Variants in DLG5 observed in about 807,000 individuals in gnomAD.
DLG5 encodes the protein discs large MAGUK scaffold protein 5.
Under a neutral mutation model 189.8 loss-of-function variants are expected in DLG5, and 48 were observed. The observed-to-expected ratio is 0.25, with a 90% CI of 0.20 to 0.32. The LOEUF (loss-of-function observed/expected upper bound fraction) is 0.32. DLG5 is among the 10% of genes least tolerant of loss of function. DLG5 has a pLI of 1.00. For missense variants in DLG5, 2,160 were observed against 2,544.7 expected (o/e 0.85, Z 3.25); for synonymous variants, 1,016 against 1,054.1 (o/e 0.96, Z 0.70).
intron 31 of DLG5, 91 bp from the exon 32 acceptor site, chr10:77,792,634 G>A: frequency 8.4e-7 from 1 of 1,194,844 alleles, no homozygotes; most frequent in Non-Finnish European, 1.2e-6. Context: ...TTTCTACTGT[G>A]TGGCTGTCTG....
chr10:77,830,993 T>G lies in DLG5; in HGVS notation c.1749-120A>C. 3.3e-6 allele frequency: 4 copies of G among 1,228,990 alleles called. No homozygotes were observed. In the South Asian group the frequency reaches 4.9e-5, roughly 15 times the overall value. 76.1% of individuals were successfully genotyped at this position (1,228,990 alleles called of 1,614,324 possible). On this transcript the variant is annotated intron_variant, in intron 9 of 31. Transcript: ENST00000372391. The stretch of plus-strand genomic sequence containing the variant: ...CAGCTAAAATGGGTTCCTTTCCCCC[T>G]TGTTTCCCAATAACTCAGAGTCAGG...
chr10:77,822,910 C>T (rs1281353949), intron 14 of DLG5, among the ~76,000 whole-genome samples: 2 of 152,086 alleles, frequency 1.3e-5, no homozygotes, highest in Non-Finnish European at 2.9e-5. Flanking sequence ...TCAGTTGTTG[C>T]CAGGGGCTTG....
At chr10:77,808,712 C>G (rs1471818183) in intron 24 of DLG5, among the ~76,000 whole-genome samples, 5 of 152,220 alleles carry the variant, frequency 3.3e-5, no homozygotes, top group Admixed American at 6.5e-5. Context: ...TGAGCCAAGG[C>G]TCTGCCCTCA....
chr10:77,806,113 C>T (rs911530181), intron 26 of DLG5: 16 of 455,834 alleles, frequency 3.5e-5, no homozygotes, highest in African/African-American at 7.9e-5. Flanking sequence ...ATATTCAGCT[C>T]GGTGTCAAAA....
intron 9 of DLG5, 130 bp downstream of exon 9, chr10:77,833,784 A>G: frequency 2.2e-6 from 3 of 1,339,838 alleles, no homozygotes; most frequent in South Asian, 2.7e-5. Flanking sequence ...AAGTGAAGGG[A>G]CAAACAGCCA....
At chr10:77,897,587 A>T (rs1196753760) in intron 1 of DLG5, among the ~76,000 whole-genome samples, 1 of 151,130 alleles carries the variant, frequency 6.6e-6, no homozygotes, top group Non-Finnish European at 1.5e-5. Context: ...ACTTTGGGAG[A>T]CCGAGGTGGG....
At chr10:77,842,857 C>T (rs1843492903) in intron 6 of DLG5, among the ~76,000 whole-genome samples, 1 of 152,210 alleles carries the variant, frequency 6.6e-6, no homozygotes, top group Non-Finnish European at 1.5e-5. Flanking sequence ...TCTGAGAAGT[C>T]CTGCAGCAGA....
chr10:77,940,282 T>C, the DLG5 span, among the ~76,000 whole-genome samples: 1 of 152,208 alleles, frequency 6.6e-6, no homozygotes, highest in Non-Finnish European at 1.5e-5. Flanking sequence ...TCCACTTCCC[T>C]GCCCACCTTT....
chr10:77,832,811 T>A (rs1311375750), intron 9 of DLG5, among the ~76,000 whole-genome samples: 1 of 152,190 alleles, frequency 6.6e-6, no homozygotes, highest in African/African-American at 2.4e-5. Context: ...ACCCCTTGAT[T>A]CCATCACATT....
intron 22 of DLG5, 132 bp from the exon 23 acceptor site, chr10:77,811,366 G>C (rs2154575289): frequency 8.7e-7 from 1 of 1,145,502 alleles, no homozygotes; most frequent in South Asian, 1.8e-5. Flanking sequence ...GCCCTGAGCA[G>C]AGCAGACACA....
chr10:77,909,472 T>A (rs1174603355), intron 1 of DLG5, among the ~76,000 whole-genome samples: 1 of 151,970 alleles, frequency 6.6e-6, no homozygotes, highest in African/African-American at 2.4e-5. Flanking sequence ...GCCTGCGTGT[T>A]CTGCACATGT....
intron 26 of DLG5, among the ~76,000 whole-genome samples, chr10:77,806,553 T>G (rs1019196874): frequency 1.3e-5 from 2 of 152,226 alleles, no homozygotes; most frequent in African/African-American, 4.8e-5. Flanking sequence ...GACCCATCAC[T>G]GTGCTCTATA....
chr10:77,822,501 A>C (rs1842420961), intron 14 of DLG5, among the ~76,000 whole-genome samples: 1 of 152,132 alleles, frequency 6.6e-6, no homozygotes, highest in Non-Finnish European at 1.5e-5. Flanking sequence ...AAAATAAGCC[A>C]GGCACGGTGG....
chr10:77,888,495 G>A (rs1035440554), intron 1 of DLG5, among the ~76,000 whole-genome samples: 1 of 152,226 alleles, frequency 6.6e-6, no homozygotes, highest in African/African-American at 2.4e-5. Flanking sequence ...TAGGTAAGAA[G>A]GGGTTAAATG....
At chr10:77,835,100 C>T (rs1843059848) in intron 8 of DLG5, among the ~76,000 whole-genome samples, 1 of 152,126 alleles carries the variant, frequency 6.6e-6, no homozygotes, top group African/African-American at 2.4e-5. Flanking sequence ...GGAATCTCGC[C>T]AGCCTGCCCT....
chr10:77,798,951 T>C (rs1200271065), intron 27 of DLG5, among the ~76,000 whole-genome samples: 2 of 152,194 alleles, frequency 1.3e-5, no homozygotes, highest in Non-Finnish European at 2.9e-5. Context: ...AGCTTTGTTG[T>C]ATTAAGTAAA....
chr10:77,811,274 G>C lies in DLG5; in HGVS notation c.4323-40C>G. 1.9e-6 allele frequency: 3 copies of C among 1,580,726 alleles called. No homozygotes were observed. The South Asian group carries it at 3.5e-5, about 18-fold the overall frequency. On this transcript the variant is annotated intron_variant, in intron 22 of 31. Coordinates refer to ENST00000372391, the MANE Select transcript of DLG5 (RefSeq NM_004747.4). ...CAGGAGGGATAAGGAGCAGTACGAA[G>C]CCACCCAGAGCCACCCCCACTCCTG...
chr10:77,842,236 G>A, intron 6 of DLG5, 43 bp from the exon 7 acceptor site: 1 of 1,572,890 alleles, frequency 6.4e-7, no homozygotes, highest in South Asian at 1.1e-5. Flanking sequence ...CGGGGGCCCT[G>A]CCCGGTCAGT....
At chr10:77,825,364 CCACACACAACCACACACACACACA>C (rs1564518652) in intron 13 of DLG5, among the ~76,000 whole-genome samples, 2 of 82,450 alleles carry the variant, frequency 2.4e-5, no homozygotes, top group African/African-American at 9.2e-5. Flanking sequence ...ATGTGTTTAA[CCACACACAACCACACACACACACA>C]CACACACACA....
Sources: gnomAD v4.1 joint callset for allele counts (sites outside exome capture counted in the v4.1 genomes callset) on GRCh38, gnomAD v4.1.1 for gene constraint, MANE v1.5 for transcripts, NCBI Gene and HGNC (gene_info 2026-07-23, HGNC 2026-07-21) for gene names.